THADA: variants seen among roughly 807,000 people sequenced by gnomAD.
The protein encoded by THADA is THADA armadillo repeat containing.
A neutral mutation model predicts 219.8 loss-of-function variants in THADA; 213 were observed. The observed-to-expected ratio is 0.97, with a 90% CI of 0.87 to 1.09. THADA has a LOEUF of 1.09. Among genes scored for constraint, THADA ranks in the 50% least tolerant of loss-of-function variants. THADA has a pLI of 0.00. For synonymous variants in THADA, 1,018 were observed against 828.9 expected (o/e 1.23, Z -3.92); for missense variants, 2,956 against 2,311.3 (o/e 1.28, Z -5.72).
At chr2:43,324,400 A>T (rs1261824397) in intron 30 of THADA, among the ~76,000 whole-genome samples, 1 of 152,154 alleles carries the variant, frequency 6.6e-6, no homozygotes, top group Non-Finnish European at 1.5e-5. Context: ...AGATCATGGG[A>T]GGCTCCCTCA....
intron 3 of THADA, among the ~76,000 whole-genome samples, chr2:43,591,725 T>A (rs912139170): frequency 1.3e-5 from 2 of 152,238 alleles, no homozygotes; most frequent in Non-Finnish European, 2.9e-5. Context: ...CATTATCTTC[T>A]ACCTTATCTG....
intron 31 of THADA, among the ~76,000 whole-genome samples, chr2:43,306,067 G>A (rs1676827867): frequency 6.6e-6 from 1 of 150,892 alleles, no homozygotes; most frequent in South Asian, 2.1e-4. Flanking sequence ...GCTCACTGCA[G>A]CCTTCCCGGG....
chr2:43,296,370 G>T (rs981659066), intron 31 of THADA, among the ~76,000 whole-genome samples: 2 of 151,708 alleles, frequency 1.3e-5, no homozygotes, highest in Non-Finnish European at 2.9e-5. Context: ...TCGCCTCCCC[G>T]GTACAAGTAA....
At chr2:43,285,330 T>A (rs1449060642) in intron 35 of THADA, among the ~76,000 whole-genome samples, 1 of 152,168 alleles carries the variant, frequency 6.6e-6, no homozygotes, top group Non-Finnish European at 1.5e-5. Flanking sequence ...GATTTCCCCC[T>A]TGCTATTCTC....
At chr2:43,458,666 C>A (rs1427317344) in intron 26 of THADA, among the ~76,000 whole-genome samples, 1 of 152,126 alleles carries the variant, frequency 6.6e-6, no homozygotes, top group East Asian at 1.9e-4. Context: ...TTACAAATAT[C>A]AGACCACATG....
At chr2:43,523,169 A>G (rs1692709368) in intron 22 of THADA, among the ~76,000 whole-genome samples, 1 of 152,010 alleles carries the variant, frequency 6.6e-6, no homozygotes. Flanking sequence ...GTTCGAGACC[A>G]GCCTAAGCAA....
chr2:43,279,415 G>C (rs1673089193), intron 36 of THADA, among the ~76,000 whole-genome samples: 1 of 152,116 alleles, frequency 6.6e-6, no homozygotes, highest in Non-Finnish European at 1.5e-5. Context: ...ATAGAGACTT[G>C]GCATTATTTA....
intron 17 of THADA, among the ~76,000 whole-genome samples, chr2:43,552,818 A>G (rs1236617978): frequency 1.3e-5 from 2 of 152,124 alleles, no homozygotes; most frequent in Non-Finnish European, 1.5e-5. Context: ...ACGAAAAAAA[A>G]AAAAGAAAAC....
chr2:43,515,010 T>TA (rs1691193618), intron 22 of THADA, among the ~76,000 whole-genome samples: 4 of 33,308 alleles, frequency 1.2e-4, no homozygotes, highest in Non-Finnish European at 1.6e-4. Context: ...ATATTATATA[T>TA]ATTATATATT....
chr2:43,516,827 G>C (rs1273040933), intron 22 of THADA, among the ~76,000 whole-genome samples: 3 of 152,090 alleles, frequency 2.0e-5, no homozygotes, highest in Admixed American at 1.3e-4. Flanking sequence ...ATTTTTTAAA[G>C]AGATCTATCA....
At chr2:43,458,441 T>A (rs1683265864) in intron 26 of THADA, among the ~76,000 whole-genome samples, 1 of 152,196 alleles carries the variant, frequency 6.6e-6, no homozygotes, top group Admixed American at 6.5e-5. Flanking sequence ...AGTTTCCTCA[T>A]CTATTAAATG....
intron 15 of THADA, 137 bp downstream of exon 15, chr2:43,566,561 C>T (rs1410101259): frequency 2.1e-6 from 2 of 968,536 alleles, no homozygotes; most frequent in Non-Finnish European, 3.3e-6. Context: ...TCATTATGTA[C>T]AAGCAAGAAT....
intron 30 of THADA, among the ~76,000 whole-genome samples, chr2:43,335,130 TC>T (rs1666262755): frequency 6.6e-6 from 1 of 152,150 alleles, no homozygotes; most frequent in South Asian, 2.1e-4. Context: ...GATCTCAGGC[TC>T]CACCCAGACC....
intron 22 of THADA, among the ~76,000 whole-genome samples, chr2:43,515,036 A>T (rs1691210659): frequency 2.5e-5 from 1 of 39,390 alleles, no homozygotes; most frequent in South Asian, 8.7e-4. Context: ...TATAATATAT[A>T]TAAATATATA....
intron 21 of THADA, among the ~76,000 whole-genome samples, chr2:43,532,780 C>T (rs1236318106): frequency 6.6e-6 from 1 of 152,052 alleles, no homozygotes; most frequent in Non-Finnish European, 1.5e-5. Context: ...AGAAACAAAA[C>T]CATAAAAACC....
chr2:43,343,867 CA>C, intron 30 of THADA: 1 of 361,258 alleles, frequency 2.8e-6, no homozygotes, highest in Non-Finnish European at 5.2e-6. Context: ...CAGGTTTCAA[CA>C]AAAACAAGCT....
intron 26 of THADA, among the ~76,000 whole-genome samples, chr2:43,443,487 G>C (rs759117252): frequency 6.6e-6 from 1 of 152,124 alleles, no homozygotes; most frequent in Non-Finnish European, 1.5e-5. Flanking sequence ...AGGCTAATAA[G>C]TTACCACTGC....
chr2:43,534,513 C>T (rs77852659), intron 21 of THADA, among the ~76,000 whole-genome samples: 15,377 of 152,186 alleles, frequency 0.1, 836 homozygotes, highest in South Asian at 0.14. Context: ...GTAGTATCCT[C>T]TGCTCTAATT....
chr2:43,307,333 C>T (rs1020968795), intron 31 of THADA, among the ~76,000 whole-genome samples: 7 of 152,230 alleles, frequency 4.6e-5, no homozygotes, highest in Admixed American at 3.3e-4. Flanking sequence ...GGCACAATAC[C>T]GGAGAGAACA....
Sources: gnomAD v4.1 joint callset for allele counts (sites outside exome capture counted in the v4.1 genomes callset) on GRCh38, gnomAD v4.1.1 for gene constraint, MANE v1.5 for transcripts, NCBI Gene and HGNC (gene_info 2026-07-23, HGNC 2026-07-21) for gene names.